Variants in SND1 observed in about 807,000 individuals in gnomAD.
SND1 encodes staphylococcal nuclease domain-containing protein 1.
In SND1, 38 loss-of-function variants were observed where a neutral mutation model predicts 121.7. The ratio of observed to expected loss-of-function variants is 0.31; its 90% CI spans 0.24 to 0.41. SND1 has a LOEUF of 0.41. Ranked by LOEUF, SND1 falls within the 10% of genes least tolerant of loss-of-function variation. The pLI is 1.00. For synonymous variants in SND1, 401 were observed against 447.4 expected (o/e 0.90, Z 1.31); for missense variants, 868 against 1,184.6 (o/e 0.73, Z 3.92).
intron 15 of SND1, among the ~76,000 whole-genome samples, chr7:127,984,474 G>T (rs1240816470): frequency 6.6e-6 from 1 of 152,188 alleles, no homozygotes; most frequent in Non-Finnish European, 1.5e-5. Flanking sequence ...TGTTCTCCAG[G>T]TGTGTCAGAC....
chr7:127,893,556 T>C (rs1300983521), intron 13 of SND1, among the ~76,000 whole-genome samples: 1 of 152,100 alleles, frequency 6.6e-6, no homozygotes, highest in Non-Finnish European at 1.5e-5. Context: ...AGAAAAGAAA[T>C]TGATGCTCCA....
chr7:127,832,731 G>A (rs1007235487), intron 11 of SND1, among the ~76,000 whole-genome samples: 5 of 152,200 alleles, frequency 3.3e-5, no homozygotes, highest in African/African-American at 1.2e-4. Flanking sequence ...GGGTCCCCAA[G>A]CCCCGGACTG....
chr7:127,975,207 G>T (rs1004208283), intron 15 of SND1, among the ~76,000 whole-genome samples: 3 of 152,204 alleles, frequency 2.0e-5, no homozygotes, highest in Non-Finnish European at 4.4e-5. Flanking sequence ...CTACAAGGAC[G>T]TGCAGCGCAT....
rs1224732077 is a variant in SND1 at position 127,757,415 on chromosome 7, AT to A, written c.1152+36017del. Among the ~76,000 whole-genome samples the A allele has an allele frequency of 2.0e-5, 3 of 152,180 alleles. No homozygotes were observed. The East Asian group carries it at 5.8e-4, about 29-fold the overall frequency. ...TGTCTGCCTTTTGGTGGATGCGCAC[AT>A]TCGTTTGTTTGTGTATATCTAGGAA... On this transcript the variant is annotated intron_variant, in intron 10 of 23. Transcript: ENST00000354725.
intron 10 of SND1, among the ~76,000 whole-genome samples, chr7:127,732,714 A>G (rs923926288): frequency 1.3e-5 from 2 of 152,264 alleles, no homozygotes; most frequent in Admixed American, 6.5e-5. Context: ...ACATTTGTAC[A>G]GTTTAAGCAA....
chr7:127,668,637 G>C (rs1278909490), intron 1 of SND1, among the ~76,000 whole-genome samples: 1 of 152,196 alleles, frequency 6.6e-6, no homozygotes, highest in Non-Finnish European at 1.5e-5. Flanking sequence ...CATGGTCCTT[G>C]TCCTTACCAC....
chr7:127,705,190 AT>A (rs1796166880), intron 8 of SND1, among the ~76,000 whole-genome samples: 1 of 152,092 alleles, frequency 6.6e-6, no homozygotes, highest in Admixed American at 6.6e-5. Context: ...TGCTTTTTTA[AT>A]GTTTTCAGGT....
intron 16 of SND1, among the ~76,000 whole-genome samples, chr7:128,035,757 C>G (rs965550206): frequency 3.9e-5 from 6 of 152,204 alleles, no homozygotes; most frequent in African/African-American, 1.4e-4. Context: ...TCTGCACTTC[C>G]TAGTGACTTT....
intron 10 of SND1, among the ~76,000 whole-genome samples, chr7:127,754,272 C>G (rs971910831): frequency 3.9e-5 from 6 of 152,166 alleles, no homozygotes; most frequent in Non-Finnish European, 7.3e-5. Context: ...AGTGGGCCAT[C>G]ATGCTTTGAG....
At chr7:127,983,204 G>A (rs1200300260) in intron 15 of SND1, among the ~76,000 whole-genome samples, 2 of 152,150 alleles carry the variant, frequency 1.3e-5, no homozygotes, top group Admixed American at 1.3e-4. Flanking sequence ...TATAGAAATG[G>A]AACTAATTGA....
chr7:127,752,526 G>C (rs1215191542), intron 10 of SND1, among the ~76,000 whole-genome samples: 6 of 152,160 alleles, frequency 3.9e-5, no homozygotes, highest in Non-Finnish European at 8.8e-5. Flanking sequence ...GTAGTGCTCT[G>C]TTTCCTTTGG....
intron 15 of SND1, among the ~76,000 whole-genome samples, chr7:127,953,522 T>C (rs1317598158): frequency 1.3e-5 from 2 of 152,182 alleles, no homozygotes; most frequent in African/African-American, 4.8e-5. Flanking sequence ...TGCATGTGCA[T>C]GTGGACTGGA....
At chr7:127,878,430 A>G (rs1399741655) in intron 12 of SND1, among the ~76,000 whole-genome samples, 1 of 152,184 alleles carries the variant, frequency 6.6e-6, no homozygotes, top group Non-Finnish European at 1.5e-5. Flanking sequence ...ATGTTGCCAT[A>G]TAACCACAGC....
At position 127,810,606 on chromosome 7, in the gene SND1, A is replaced by G. The variant is rs139338908; in HGVS notation, c.1242+3033A>G. Among the ~76,000 whole-genome samples, 190 of 152,322 alleles carry G rather than the reference A, an allele frequency of 1.2e-3. 1 individual carries two copies. Among genetic ancestry groups the G allele is most frequent in the African/African-American group, 4.3e-3 (179 of 41,564 alleles). On this transcript the variant is annotated intron_variant, in intron 11 of 23. Transcript: ENST00000354725. ...ATACGATGGTGAGACTGGTGTCCTT[A>G]GGCTGTGGTCTTCTTCTGATAGCAG... is the stretch of plus-strand genomic sequence containing the variant.
chr7:127,943,152 C>T (rs1235003133), intron 15 of SND1, among the ~76,000 whole-genome samples: 1 of 152,182 alleles, frequency 6.6e-6, no homozygotes, highest in African/African-American at 2.4e-5. Context: ...TCCAGTTCTA[C>T]TTCATGTTTG....
intron 14 of SND1, among the ~76,000 whole-genome samples, chr7:127,921,198 G>A (rs1235672793): frequency 6.6e-6 from 1 of 152,156 alleles, no homozygotes; most frequent in Non-Finnish European, 1.5e-5. Flanking sequence ...TGAACAAAAT[G>A]TGTCCTCTTT....
intron 15 of SND1, among the ~76,000 whole-genome samples, chr7:127,972,694 C>T (rs1216879017): frequency 6.6e-6 from 1 of 152,200 alleles, no homozygotes; most frequent in Non-Finnish European, 1.5e-5. Context: ...ATTATCCTAC[C>T]TCAGCCTCCC....
chr7:127,749,030 AT>A (rs1241597238), intron 10 of SND1, among the ~76,000 whole-genome samples: 3 of 136,084 alleles, frequency 2.2e-5, no homozygotes, highest in Admixed American at 7.5e-5. Context: ...ATGTTAATGT[AT>A]TTTTTTCTTT....
At chr7:127,656,307 T>TTTTATTTTCTTTC (rs1795208339) in intron 1 of SND1, among the ~76,000 whole-genome samples, 2 of 151,710 alleles carry the variant, frequency 1.3e-5, no homozygotes, top group Non-Finnish European at 2.9e-5. Context: ...TTCTTTTTCT[T>TTTTATTTTCTTTC]TTTCTTTTCT....
Sources: gnomAD v4.1 joint callset for allele counts (sites outside exome capture counted in the v4.1 genomes callset) on GRCh38, gnomAD v4.1.1 for gene constraint, MANE v1.5 for transcripts, NCBI Gene and HGNC (gene_info 2026-07-23, HGNC 2026-07-21) for gene names.